SNCAIP: variants seen among roughly 807,000 people sequenced by gnomAD.
SNCAIP encodes the protein synphilin-1.
In SNCAIP, 43 loss-of-function variants were observed where a neutral mutation model predicts 86.7. That is an observed-to-expected ratio of 0.50 (90% CI 0.39 to 0.64). The LOEUF (loss-of-function observed/expected upper bound fraction) is 0.64, where lower values mean the gene tolerates loss of function less well. Among genes scored for constraint, SNCAIP ranks in the 30% least tolerant of loss-of-function variants. The pLI is 0.00. For missense variants in SNCAIP, 981 were observed against 1,103.1 expected, an observed-to-expected ratio of 0.89 and a Z score of 1.57; for synonymous variants, 417 against 427.2, an observed-to-expected ratio of 0.98 and a Z score of 0.29.
In SNCAIP at chr5:122,448,654, ATATATATT is replaced by A. The variant is rs1561796553; in HGVS notation, c.1593-1190_1593-1183del. Among the ~76,000 whole-genome samples the A allele has an allele frequency of 3.9e-3, 492 of 126,198 alleles. 7 individuals are homozygous for A. Among genetic ancestry groups the A allele is most frequent in the African/African-American group, 0.014 (464 of 33,444 alleles). 82.8% of individuals were successfully genotyped at this position (126,198 alleles called of 152,430 possible). On this transcript the variant is annotated intron_variant, in intron 8 of 10. Transcript: ENST00000261368. ...TATATTATATGTTATATATATTTTTATATATATTATATATATTATATATGTTATATATA... is the reference window on the plus strand; with the variant it reads ...TATATTATATGTTATATATATTTTTAATATATATTATATATGTTATATATA...
chr5:122,463,380 G>A, intron 10 of SNCAIP, 111 bp from the exon 11 acceptor site: 2 of 738,784 alleles, frequency 2.7e-6, no homozygotes, highest in South Asian at 1.5e-5. Context: ...GTTCTTCAGT[G>A]TGGTTTGTGT....
chr5:122,458,801 G>T (rs1012204935), intron 10 of SNCAIP, among the ~76,000 whole-genome samples: 1 of 152,164 alleles, frequency 6.6e-6, no homozygotes, highest in South Asian at 2.1e-4. Context: ...ATGAAAATAG[G>T]ATTCAAGTAA....
chr5:122,406,523 C>A (rs1773033070), intron 3 of SNCAIP, among the ~76,000 whole-genome samples: 1 of 152,082 alleles, frequency 6.6e-6, no homozygotes, highest in African/African-American at 2.4e-5. Flanking sequence ...GGAGGCGGTG[C>A]CTGGTGGGAG....
At chr5:122,318,619 TTGCC>T (rs1295946025) in intron 1 of SNCAIP, among the ~76,000 whole-genome samples, 1 of 152,214 alleles carries the variant, frequency 6.6e-6, no homozygotes, top group Non-Finnish European at 1.5e-5. Flanking sequence ...ATTTTCACAT[TTGCC>T]TCTTAGGATA....
chr5:122,388,905 G>A (rs533216237), intron 1 of SNCAIP: 3 of 152,326 alleles, frequency 2.0e-5, no homozygotes, highest in East Asian at 1.9e-4. Flanking sequence ...TTAGTCTAAG[G>A]TGGGGCCATC....
chr5:122,378,764 G>A lies in SNCAIP; in HGVS notation c.-46-12325G>A, dbSNP rs1476286268. Among the ~76,000 whole-genome samples, 8 of 140,054 alleles carry A rather than the reference G, an allele frequency of 5.7e-5. 1 individual carries two copies. The highest frequency in any genetic ancestry group is 1.1e-4 in the Non-Finnish European group (7 of 64,168). 91.9% of individuals were successfully genotyped at this position (140,054 alleles called of 152,430 possible). A position where few individuals can be genotyped will look rare whatever the true frequency, so the allele number is the denominator to read the frequency against. ...AGTTTCAGCTTTCTACATATGGCTAGCCAGTTTTCCCAGCACCATTTATTA... is the reference window on the plus strand; with the variant it reads ...AGTTTCAGCTTTCTACATATGGCTAACCAGTTTTCCCAGCACCATTTATTA... On this transcript the variant is annotated intron_variant, in intron 1 of 10. Coordinates refer to ENST00000261368, the MANE Select transcript of SNCAIP (RefSeq NM_005460.4).
At chr5:122,411,550 G>T (rs2152897058) in intron 3 of SNCAIP, among the ~76,000 whole-genome samples, 1 of 151,650 alleles carries the variant, frequency 6.6e-6, no homozygotes, top group Admixed American at 6.6e-5. Flanking sequence ...TATCTCCTTT[G>T]CTCTGACTCT....
At chr5:122,387,971 C>T (rs1768557910) in intron 1 of SNCAIP, among the ~76,000 whole-genome samples, 1 of 152,166 alleles carries the variant, frequency 6.6e-6, no homozygotes, top group Non-Finnish European at 1.5e-5. Context: ...GGCACCAATA[C>T]AAAATTGGGG....
intron 10 of SNCAIP, among the ~76,000 whole-genome samples, chr5:122,459,108 G>C (rs569320498): frequency 6.6e-6 from 1 of 152,246 alleles, no homozygotes; most frequent in East Asian, 1.9e-4. Context: ...GTTTCCATTT[G>C]GGCACTTCAA....
At chr5:122,439,396 G>GGA (rs1780285022) in intron 6 of SNCAIP, among the ~76,000 whole-genome samples, 2 of 152,142 alleles carry the variant, frequency 1.3e-5, no homozygotes, top group African/African-American at 4.8e-5. Flanking sequence ...AGATTACATT[G>GGA]TTCTCATCAT....
At chr5:122,411,490 T>C (rs1259159436) in intron 3 of SNCAIP, among the ~76,000 whole-genome samples, 1 of 152,148 alleles carries the variant, frequency 6.6e-6, no homozygotes, top group Non-Finnish European at 1.5e-5. Flanking sequence ...TGTCTCTCAA[T>C]ATTAAATGGG....
At chr5:122,453,963 TG>T (rs1346011301) in intron 10 of SNCAIP, among the ~76,000 whole-genome samples, 1 of 152,292 alleles carries the variant, frequency 6.6e-6, no homozygotes, top group East Asian at 1.9e-4. Context: ...TTTGCCACGT[TG>T]CTCAGGCTGG....
intron 1 of SNCAIP, among the ~76,000 whole-genome samples, chr5:122,374,230 A>G (rs1015516446): frequency 6.6e-6 from 1 of 152,200 alleles, no homozygotes; most frequent in Non-Finnish European, 1.5e-5. Flanking sequence ...GGCCAAGTTC[A>G]GTATTTTATT....
In SNCAIP at chr5:122,451,204, C is replaced by G. The variant is rs1297590766; in HGVS notation, c.2357C>G (p.Thr786Ser). ...GDPQQPSPDS[T>S]AAQKVATSPK... ...CCTCAGCAGCCCAGCCCTGACAGTA[C>G]TGCTGCCCAGAAAGTTGCCACAAGT... The change falls in exon 10 of 11, where the codon ACT becomes AGT. Residue 786 changes from threonine to serine, a missense_variant. Thr to Ser is a moderately conservative substitution (Grantham distance 58, BLOSUM62 1). Transcript: ENST00000261368. The G allele has an allele frequency of 6.2e-7, 1 of 1,614,050 alleles. No homozygotes were observed. Among genetic ancestry groups the G allele is most frequent in the Non-Finnish European group, 8.5e-7 (1 of 1,180,040 alleles).
intron 6 of SNCAIP, among the ~76,000 whole-genome samples, chr5:122,439,389 T>C (rs1292098122): frequency 7.2e-5 from 11 of 152,186 alleles, no homozygotes; most frequent in African/African-American, 9.6e-5. Context: ...TAGGCATAGA[T>C]TACATTGTTC....
chr5:122,358,994 G>A (rs987422594), intron 1 of SNCAIP, among the ~76,000 whole-genome samples: 6 of 152,086 alleles, frequency 3.9e-5, no homozygotes, highest in African/African-American at 1.4e-4. Context: ...TTGATTCTTA[G>A]CTTTTTAATG....
intron 1 of SNCAIP, among the ~76,000 whole-genome samples, chr5:122,338,262 A>G (rs1756898511): frequency 6.6e-6 from 1 of 152,216 alleles, no homozygotes; most frequent in Non-Finnish European, 1.5e-5. Context: ...TAGTACTAAA[A>G]ACAGATGATA....
intron 2 of SNCAIP, among the ~76,000 whole-genome samples, chr5:122,393,413 TAA>T (rs1176436487): frequency 6.6e-6 from 1 of 152,202 alleles, no homozygotes; most frequent in African/African-American, 2.4e-5. Flanking sequence ...AGATTTTATG[TAA>T]TTTGTCCAGG....
intron 1 of SNCAIP, among the ~76,000 whole-genome samples, chr5:122,359,371 T>TTATTTATTTATG (rs1761767722): frequency 6.6e-6 from 1 of 150,932 alleles, no homozygotes; most frequent in Non-Finnish European, 1.5e-5. Flanking sequence ...ATTTATTTAT[T>TTATTTATTTATG]TATTTATTTT....
Sources: gnomAD v4.1 joint callset for allele counts (sites outside exome capture counted in the v4.1 genomes callset) on GRCh38, gnomAD v4.1.1 for gene constraint, MANE v1.5 for transcripts, NCBI Gene and HGNC (gene_info 2026-07-23, HGNC 2026-07-21) for gene names.